Variants in NFAT5 observed in about 807,000 individuals in gnomAD.
The protein encoded by NFAT5 is nuclear factor of activated T-cells 5.
A neutral mutation model predicts 166.5 loss-of-function variants in NFAT5; 31 were observed. That is an observed-to-expected ratio of 0.19 (90% CI 0.14 to 0.25). The LOEUF (loss-of-function observed/expected upper bound fraction) is 0.25. Among genes scored for constraint, NFAT5 ranks in the 10% least tolerant of loss-of-function variants. The pLI is 1.00. For synonymous variants in NFAT5, 612 were observed against 639.7 expected (o/e 0.96, Z 0.65); for missense variants, 1,449 against 1,821.8 (o/e 0.80, Z 3.72).
chr16:69,646,951 C>A (rs750043230), intron 3 of NFAT5, 77 bp from the exon 4 acceptor site: 2 of 1,233,504 alleles, frequency 1.6e-6, no homozygotes, highest in Admixed American at 2.5e-5. Context: ...GTTCACAAAT[C>A]ACATTTTCAA....
At chr16:69,680,307 C>T (rs1037047263) in intron 10 of NFAT5, among the ~76,000 whole-genome samples, 4 of 152,116 alleles carry the variant, frequency 2.6e-5, no homozygotes, top group Non-Finnish European at 4.4e-5. Context: ...GAATTTATGT[C>T]AGGAAATAGC....
intron 2 of NFAT5, among the ~76,000 whole-genome samples, chr16:69,580,254 A>G (rs2031582799): frequency 6.6e-6 from 1 of 152,056 alleles, no homozygotes; most frequent in African/African-American, 2.4e-5. Flanking sequence ...AGGGCTGGGC[A>G]TGGTGGCTCC....
intron 10 of NFAT5, among the ~76,000 whole-genome samples, chr16:69,678,246 G>A (rs951121995): frequency 9.9e-5 from 15 of 151,092 alleles, no homozygotes; most frequent in Non-Finnish European, 1.5e-4. Context: ...ACGGAGTCTC[G>A]CTGTGTCGCC....
Position 69,623,853 on chromosome 16 carries a change from G to GA in NFAT5, c.128-2534dup, listed in dbSNP as rs79354297. On this transcript the variant is annotated intron_variant, in intron 2 of 14. Transcript: ENST00000349945. ...TTTTGCCCAAACAAAAAGGAAATTT[G>GA]AAAAAAAAAAAAAAAAGAAACAGAT... Among the ~76,000 whole-genome samples, 1,112 of 117,226 alleles carry GA rather than the reference G, an allele frequency of 9.5e-3. 6 individuals are homozygous for GA. Among genetic ancestry groups the GA allele is most frequent in the Middle Eastern group, 0.017 (4 of 234 alleles). 76.9% of individuals were successfully genotyped at this position (117,226 alleles called of 152,430 possible). A position where few individuals can be genotyped will look rare whatever the true frequency, so the allele number is the denominator to read the frequency against.
At chr16:69,626,165 C>T (rs535327090) in intron 2 of NFAT5, among the ~76,000 whole-genome samples, 7 of 150,750 alleles carry the variant, frequency 4.6e-5, no homozygotes, top group Admixed American at 4.0e-4. Context: ...GTTGCCCAAA[C>T]TCGTCTTTAA....
rs74026877 is a variant in NFAT5, at chr16:69,578,209, T to C, written c.127+9661T>C. Among the ~76,000 whole-genome samples, 776 of 152,204 alleles carry C rather than the reference T, an allele frequency of 5.1e-3. 9 individuals carry two copies. The highest frequency in any genetic ancestry group is 0.018 in the African/African-American group (739 of 41,540). Reference sequence around the variant, plus strand: ...ATTAGGGACTTGAGCATCTGGAAATTTTGCGGGAAGTCCTGCAACCCATCT... The same window carrying C: ...ATTAGGGACTTGAGCATCTGGAAATCTTGCGGGAAGTCCTGCAACCCATCT... On this transcript the variant is annotated intron_variant, in intron 2 of 14. Coordinates refer to ENST00000349945, the MANE Select transcript of NFAT5 (RefSeq NM_138713.4).
chr16:69,673,511 C>G (rs963854410), intron 9 of NFAT5, among the ~76,000 whole-genome samples: 1 of 151,896 alleles, frequency 6.6e-6, no homozygotes, highest in African/African-American at 2.4e-5. Context: ...TTGCTTGAAG[C>G]TGGGAGTTTA....
rs1017156901 is a variant in NFAT5, at chr16:69,702,235, C to G, written c.*5884C>G. 1.3e-5 allele frequency: 2 copies of G among 152,614 alleles called. No individual in the cohort carries two copies. Among genetic ancestry groups the G allele is most frequent in the African/African-American group, 4.8e-5 (2 of 41,432 alleles). 9.5% of individuals were successfully genotyped at this position (152,614 alleles called of 1,614,324 possible). A position where few individuals can be genotyped will look rare whatever the true frequency, so the allele number is the denominator to read the frequency against. On this transcript the variant is annotated 3_prime_UTR_variant, in exon 15 of 15. Coordinates refer to ENST00000349945, the MANE Select transcript of NFAT5 (RefSeq NM_138713.4). ...TTCCTTCCTAATGAATTCATCTTAA[C>G]TATTTAGAATGTTATGTCCCTTTTC...
At chr16:69,627,701 GC>G (rs2034533211) in intron 3 of NFAT5, among the ~76,000 whole-genome samples, 1 of 152,108 alleles carries the variant, frequency 6.6e-6, no homozygotes, top group South Asian at 2.1e-4. Context: ...AAACTGATCA[GC>G]CCTGTTCACT....
chr16:69,655,502 A>C (rs2035840810), intron 5 of NFAT5, 107 bp from the exon 6 acceptor site: 1 of 828,656 alleles, frequency 1.2e-6, no homozygotes, highest in Non-Finnish European at 1.7e-6. Flanking sequence ...AATTTTTTTA[A>C]ATGTAATTCA....
At chr16:69,599,248 T>C (rs1424880693) in intron 2 of NFAT5, among the ~76,000 whole-genome samples, 1 of 151,976 alleles carries the variant, frequency 6.6e-6, no homozygotes, top group East Asian at 1.9e-4. Flanking sequence ...TTTAAAAGGG[T>C]GGAACTTTAT....
chr16:69,571,674 A>G (rs1433817980), intron 2 of NFAT5, among the ~76,000 whole-genome samples: 2 of 152,078 alleles, frequency 1.3e-5, no homozygotes, highest in Non-Finnish European at 2.9e-5. Flanking sequence ...ATTTTTTTAT[A>G]GAACGTACGT....
At chr16:69,624,915 AAAAG>A (rs1287381295) in intron 2 of NFAT5, among the ~76,000 whole-genome samples, 1 of 151,350 alleles carries the variant, frequency 6.6e-6, no homozygotes, top group Non-Finnish European at 1.5e-5. Context: ...AAAAAAAAAA[AAAAG>A]AAGGAGTTTC....
chr16:69,674,528 G>T (rs1300952970), intron 9 of NFAT5, among the ~76,000 whole-genome samples: 1 of 151,966 alleles, frequency 6.6e-6, no homozygotes, highest in African/African-American at 2.4e-5. Flanking sequence ...GGGGAAGATG[G>T]TATAAATGTG....
chr16:69,625,254 A>T (rs1048873254), intron 2 of NFAT5, among the ~76,000 whole-genome samples: 1 of 152,020 alleles, frequency 6.6e-6, no homozygotes, highest in Non-Finnish European at 1.5e-5. Flanking sequence ...CCTTTAGAGG[A>T]TATTTTGGGA....
chr16:69,676,088 A>C (rs1400810654), intron 9 of NFAT5, among the ~76,000 whole-genome samples: 1 of 152,192 alleles, frequency 6.6e-6, no homozygotes, highest in Non-Finnish European at 1.5e-5. Flanking sequence ...TATGTAGTCT[A>C]ACTAAATTTT....
At chr16:69,637,711 T>C (rs2035027457) in intron 3 of NFAT5, among the ~76,000 whole-genome samples, 1 of 152,178 alleles carries the variant, frequency 6.6e-6, no homozygotes, top group Non-Finnish European at 1.5e-5. Flanking sequence ...ACACATGGAA[T>C]TCTGGGAGAT....
At chr16:69,571,390 T>C (rs145416278) in intron 2 of NFAT5, among the ~76,000 whole-genome samples, 45 of 152,222 alleles carry the variant, frequency 3.0e-4, no homozygotes, top group African/African-American at 1.0e-3. Flanking sequence ...ATTATTATCC[T>C]ACTTTAGAGA....
chr16:69,584,451 C>T (rs1419817789), intron 2 of NFAT5, among the ~76,000 whole-genome samples: 1 of 151,842 alleles, frequency 6.6e-6, no homozygotes, highest in East Asian at 1.9e-4. Context: ...GCCTCAGCCT[C>T]CTGAGCAGCT....
Sources: allele counts gnomAD v4.1 joint callset (sites outside exome capture counted in the v4.1 genomes callset), GRCh38; gene constraint gnomAD v4.1.1; transcripts MANE v1.5; gene names NCBI Gene and HGNC (gene_info 2026-07-23, HGNC 2026-07-21).